The following NUP62 variants were observed in gnomAD, a reference collection of about 807,000 sequenced individuals.
NUP62 encodes nucleoporin 62, also known as nuclear pore glycoprotein p62.
For missense variants in NUP62, 647 were observed against 689.4 expected (o/e 0.94, Z 0.69); for synonymous variants, 305 against 303.4 (o/e 1.01, Z -0.05).
chr19:49,910,620 T>C (rs2075439684), intron 2 of NUP62, among the ~76,000 whole-genome samples: 1 of 151,014 alleles, frequency 6.6e-6, no homozygotes, highest in Admixed American at 6.6e-5. Context: ...GTAGGTGTGG[T>C]GTGGAGGATT....
At chr19:49,916,457 G>T (rs1334691184) in intron 2 of NUP62, among the ~76,000 whole-genome samples, 1 of 147,288 alleles carries the variant, frequency 6.8e-6, no homozygotes, top group Non-Finnish European at 1.5e-5. Context: ...GGTATCTTTT[G>T]TATTTTTGTA....
At chr19:49,910,157 G>C (rs1316812410) in intron 2 of NUP62, among the ~76,000 whole-genome samples, 3 of 152,122 alleles carry the variant, frequency 2.0e-5, no homozygotes, top group African/African-American at 7.2e-5. Context: ...GGGAGAACAG[G>C]ACCTTGGACC....
intron 2 of NUP62, among the ~76,000 whole-genome samples, chr19:49,914,419 G>A (rs1376818057): frequency 1.3e-5 from 2 of 152,184 alleles, no homozygotes; most frequent in East Asian, 1.9e-4. Flanking sequence ...CACCCAGGCA[G>A]GACACAGCTC....
At chr19:49,911,379 A>T (rs1295100427) in intron 2 of NUP62, 1 of 152,236 alleles carries the variant, frequency 6.6e-6, no homozygotes, top group Non-Finnish European at 1.5e-5. Flanking sequence ...GTCTCAAAAA[A>T]ACAAAAGAAT....
At chr19:49,926,644 T>C (rs1376548710) in intron 2 of NUP62, among the ~76,000 whole-genome samples, 1 of 152,220 alleles carries the variant, frequency 6.6e-6, no homozygotes, top group Non-Finnish European at 1.5e-5. Flanking sequence ...TGTGCGTCCT[T>C]ACCACTGGCA....
At chr19:49,924,831 G>A (rs2075847305) in intron 2 of NUP62, among the ~76,000 whole-genome samples, 1 of 152,218 alleles carries the variant, frequency 6.6e-6, no homozygotes, top group Non-Finnish European at 1.5e-5. Context: ...TGAAGTGGGT[G>A]GGACCCAATA....
chr19:49,926,403 G>A (rs907182889), intron 2 of NUP62, among the ~76,000 whole-genome samples: 15 of 151,916 alleles, frequency 9.9e-5, no homozygotes, highest in Admixed American at 3.3e-4. Flanking sequence ...GGTGGTGGGC[G>A]CCTGTAATCC....
At chr19:49,913,144 A>G (rs1483350903) in intron 2 of NUP62, 1 of 152,450 alleles carries the variant, frequency 6.6e-6, no homozygotes, top group East Asian at 1.9e-4. Flanking sequence ...GGCGCCGTCC[A>G]CGCGGGAGGA....
At chr19:49,919,890 T>C (rs906503227) in intron 2 of NUP62, among the ~76,000 whole-genome samples, 3 of 152,180 alleles carry the variant, frequency 2.0e-5, no homozygotes, top group African/African-American at 7.2e-5. Flanking sequence ...CTTACTCTTG[T>C]ATTGAAAGTT....
At chr19:49,920,853 A>T (rs191104776) in intron 2 of NUP62, among the ~76,000 whole-genome samples, 2 of 152,260 alleles carry the variant, frequency 1.3e-5, no homozygotes, top group East Asian at 3.9e-4. Flanking sequence ...GGAACGGCGC[A>T]CACCTGTGCC....
At chr19:49,911,766 G>C (rs1269971342) in intron 2 of NUP62, among the ~76,000 whole-genome samples, 1 of 152,226 alleles carries the variant, frequency 6.6e-6, no homozygotes, top group Non-Finnish European at 1.5e-5. Context: ...CACTAAGCCA[G>C]TCTCTCCGGG....
At chr19:49,928,981 C>A (rs1020785015) in intron 1 of NUP62, 1 of 152,566 alleles carries the variant, frequency 6.6e-6, no homozygotes, top group Non-Finnish European at 1.5e-5. Flanking sequence ...AAGGAGAGGG[C>A]TGGATCCCCG....
chr19:49,909,600 G>T lies in NUP62; in HGVS notation c.208C>A (p.Gln70Lys), dbSNP rs2075410167. Residue 70 changes from glutamine to lysine, a missense_variant, in exon 3 of 3, where the codon CAG becomes AAG. Coordinates refer to ENST00000352066, the MANE Select transcript of NUP62 (RefSeq NM_016553.5). Reference sequence around the variant, plus strand: ...GTTCCAAAAGTGAAGCCTGTCGTCTGTGTGGCCGGAGTCTGGGTGGCAAGT... The same window carrying T: ...GTTCCAAAAGTGAAGCCTGTCGTCTTTGTGGCCGGAGTCTGGGTGGCAAGT... Reference protein sequence around the residue: ...FSLATQTPATQTTGFTFGTAT... With the variant: ...FSLATQTPATKTTGFTFGTAT... 4 of 1,614,214 alleles carry T rather than the reference G, an allele frequency of 2.5e-6. No individual in the cohort carries two copies. The highest frequency in any genetic ancestry group is 2.5e-6 in the Non-Finnish European group (3 of 1,180,046).
chr19:49,918,061 G>A (rs1439932546), intron 2 of NUP62, among the ~76,000 whole-genome samples: 1 of 151,336 alleles, frequency 6.6e-6, no homozygotes, highest in Non-Finnish European at 1.5e-5. Flanking sequence ...CCATGGAGAG[G>A]GTCTGCTTTC....
At chr19:49,909,920 T>G (rs901086074) in intron 2 of NUP62, 36 bp from the exon 3 acceptor site, 9 of 1,182,038 alleles carry the variant, frequency 7.6e-6, no homozygotes, top group Non-Finnish European at 1.1e-5. Context: ...AGATGGCAGT[T>G]TTGGAAAGGC....
chr19:49,908,119 G>C lies in NUP62; in HGVS notation c.*120C>G, dbSNP rs2075364024. 1 of 1,515,478 alleles carries C rather than the reference G, an allele frequency of 6.6e-7. No individual in the cohort carries two copies. The highest frequency in any genetic ancestry group is 1.2e-5 in the South Asian group (1 of 81,826). 93.9% of individuals were successfully genotyped at this position (1,515,478 alleles called of 1,614,324 possible). On this transcript the variant is annotated 3_prime_UTR_variant, in exon 3 of 3. Transcript: ENST00000352066. The stretch of plus-strand genomic sequence containing the variant: ...GCACACAGCGATCATGTCAAGGGCA[G>C]TCATGTGAAAGAAAGAAACAAACAA...
intron 2 of NUP62, among the ~76,000 whole-genome samples, chr19:49,925,933 G>C (rs1403369418): frequency 1.3e-5 from 2 of 152,066 alleles, no homozygotes; most frequent in Non-Finnish European, 2.9e-5. Context: ...TAACCCCCTT[G>C]GGTACGGTGG....
chr19:49,918,900 GGGGGGGGGCGGGGTGT>G (rs1429964633), intron 2 of NUP62, among the ~76,000 whole-genome samples: 37 of 148,580 alleles, frequency 2.5e-4, no homozygotes, highest in Middle Eastern at 3.4e-3. Flanking sequence ...GAGGCTGGGG[GGGGGGGGGCGGGGTGT>G]GGGGGGGCGG....
intron 2 of NUP62, among the ~76,000 whole-genome samples, chr19:49,919,335 G>A (rs2075708089): frequency 6.6e-6 from 1 of 152,194 alleles, no homozygotes; most frequent in Non-Finnish European, 1.5e-5. Flanking sequence ...TTAAACAAAA[G>A]CGTGGTTGGC....
Sources: allele counts gnomAD v4.1 joint callset (sites outside exome capture counted in the v4.1 genomes callset), GRCh38; gene constraint gnomAD v4.1.1; transcripts MANE v1.5; gene names NCBI Gene and HGNC (gene_info 2026-07-23, HGNC 2026-07-21).